Variants in ADGRV1 observed in about 807,000 individuals in gnomAD.
ADGRV1 encodes the protein adhesion G protein-coupled receptor V1.
In ADGRV1, 359 loss-of-function variants were observed where a neutral mutation model predicts 596.2. The observed-to-expected ratio is 0.60, with a 90% confidence interval of 0.55 to 0.66. The LOEUF (loss-of-function observed/expected upper bound fraction) is 0.66, where lower values mean the gene tolerates loss of function less well. ADGRV1 is among the 30% of genes least tolerant of loss of function. The pLI, the probability that ADGRV1 is intolerant of heterozygous loss-of-function variation, is 0.00. For synonymous variants in ADGRV1, 2,681 were observed against 2,679.2 expected, an observed-to-expected ratio of 1.00 and a Z score of -0.02; for missense variants, 7,274 against 7,575.6, an observed-to-expected ratio of 0.96 and a Z score of 1.48.
chr5:90,985,440 G>A lies in ADGRV1; in HGVS notation c.18070G>A (p.Val6024Met). ...TCTGAGTTGGGGACTACCAGCTTTT[G>A]TGGTGATTCTCCTCATAGTTATTTT... is the stretch of plus-strand genomic sequence containing the variant. ...FLLSWGLPAF[V>M]VILLIVILKG... Residue 6024 changes from valine (V) to methionine (M), a missense_variant, in exon 85 of 90, where the codon GTG (valine) becomes ATG (methionine). Around this residue, in one of 5 missense-constraint regions of ADGRV1, gnomAD observed 1,874 missense variants for 1,970.2 expected, o/e 0.95. Transcript: ENST00000405460. 6.2e-7 allele frequency: 1 copy of A among 1,613,750 alleles called. No homozygotes were observed. The highest frequency in any genetic ancestry group is 8.5e-7 in the Non-Finnish European group (1 of 1,179,706).
chr5:90,740,936 G>C (rs78320531), intron 50 of ADGRV1, among the ~76,000 whole-genome samples: 2,187 of 152,216 alleles, frequency 0.014, 42 homozygotes, highest in African/African-American at 0.05. Flanking sequence ...TTTGTCTGTG[G>C]TCCAAGGGGT....
intron 81 of ADGRV1, among the ~76,000 whole-genome samples, chr5:90,854,689 T>C (rs2150412571): frequency 6.6e-6 from 1 of 152,272 alleles, no homozygotes; most frequent in Admixed American, 6.5e-5. Context: ...TTTTTGAATC[T>C]CCTCGGCCTC....
chr5:91,162,542 G>C (rs914059475), intron 89 of ADGRV1, among the ~76,000 whole-genome samples: 14 of 152,288 alleles, frequency 9.2e-5, no homozygotes, highest in Admixed American at 5.2e-4. Context: ...AGAAAACAAG[G>C]CCTCCAGAAA....
chr5:90,715,191 C>T (rs1374944752), intron 42 of ADGRV1, among the ~76,000 whole-genome samples: 1 of 152,164 alleles, frequency 6.6e-6, no homozygotes, highest in Non-Finnish European at 1.5e-5. Context: ...GAGAGGTGAT[C>T]TCTGGAGGCC....
At position 90,778,560 on chromosome 5, in the gene ADGRV1, G is replaced by A; in HGVS notation, c.12800G>A (p.Gly4267Asp). 1.9e-6 allele frequency: 3 copies of A among 1,610,094 alleles called. No homozygotes were observed. Among genetic ancestry groups the A allele is most frequent in the Non-Finnish European group, 2.5e-6 (3 of 1,177,842 alleles). ...ITVVASDSPY[G>D]RFAFSHEQLR... ...GTGGTGGCCAGCGACTCTCCCTATG[G>A]CCGATTTGCCTTTTCACATGAGCAA... Residue 4267 changes from glycine to aspartate, a missense_variant, in exon 63 of 90, where the codon GGC (glycine) becomes GAC (aspartate). Gly to Asp is a moderately conservative substitution (Grantham distance 94). Coordinates refer to ENST00000405460, the MANE Select transcript of ADGRV1 (RefSeq NM_032119.4).
At position 90,595,589 on chromosome 5, in the gene ADGRV1, T is replaced by G. The variant is rs1226469808; in HGVS notation, c.23-19246T>G. On this transcript the variant is annotated intron_variant, in intron 1 of 89. Transcript: ENST00000405460. ...CTGACCCCCCAACCTCCCTCCCAGA[T>G]GGGGCGGCTGGCCGGGCGGGGGGCT... Among the ~76,000 whole-genome samples, 9 of 89,976 alleles carry G rather than the reference T, an allele frequency of 1.0e-4. No homozygotes were observed. The East Asian group carries it at 1.2e-3, about 12-fold the overall frequency. 59.0% of individuals were successfully genotyped at this position (89,976 alleles called of 152,430 possible). A position where few individuals can be genotyped will look rare whatever the true frequency, so the allele number is the denominator to read the frequency against.
Position 90,805,320 on chromosome 5 carries a change from A to G in ADGRV1, c.14698A>G (p.Ile4900Val). 5.0e-6 allele frequency: 8 copies of G among 1,612,906 alleles called. No homozygotes were observed. Among genetic ancestry groups the G allele is most frequent in the Non-Finnish European group, 6.8e-6 (8 of 1,179,032 alleles). ...FESTAFQLMN[I>V]TAGTSHVMIS... ...ATCCACTGCTTTTCAACTCATGAAC[A>G]TCACTGCTGGCACAAGCCACGTTAT... Residue 4900 changes from isoleucine (I) to valine (V), a missense_variant, in exon 72 of 90, where the codon ATC (isoleucine) becomes GTC (valine). Ile to Val is a conservative substitution (Grantham distance 29). This residue lies in a region of ADGRV1 where 1,874 missense variants were observed against 1,970.2 expected (regional missense o/e 0.95). Transcript: ENST00000405460.
intron 84 of ADGRV1, among the ~76,000 whole-genome samples, chr5:90,971,902 C>G (rs1779062750): frequency 6.6e-6 from 1 of 152,172 alleles, no homozygotes; most frequent in Admixed American, 6.5e-5. Flanking sequence ...AAGACACAGA[C>G]TGGCAAATTG....
chr5:90,631,523 A>G (rs78503328), intron 9 of ADGRV1, among the ~76,000 whole-genome samples: 1,849 of 152,286 alleles, frequency 0.012, 31 homozygotes, highest in African/African-American at 0.042. Context: ...TAATGGCAGT[A>G]GATCCTGATC....
At chr5:90,585,733 G>T (rs1400012511) in intron 1 of ADGRV1, among the ~76,000 whole-genome samples, 4 of 152,182 alleles carry the variant, frequency 2.6e-5, no homozygotes, top group African/African-American at 9.7e-5. Flanking sequence ...AAGCAGTCCC[G>T]CATGTTAGGA....
intron 83 of ADGRV1, among the ~76,000 whole-genome samples, chr5:90,928,977 C>T (rs1774884423): frequency 6.7e-6 from 1 of 148,906 alleles, no homozygotes; most frequent in South Asian, 2.2e-4. Flanking sequence ...CTTGAGGAGG[C>T]AGTCTGCCCG....
At position 90,728,917 on chromosome 5, in the gene ADGRV1, C is replaced by T. The variant is rs1373039369; in HGVS notation, c.10410C>T (p.Ala3470=). 9.3e-6 allele frequency: 15 copies of T among 1,607,978 alleles called. No individual in the cohort carries two copies. In the Admixed American group the frequency reaches 2.0e-4, roughly 22 times the overall value. ...SSANDIYLIF[A]ENVFLGDQNS... is the part of the protein sequence containing the mutation. Reference sequence around the variant, plus strand: ...CCAATGATATTTACCTAATATTTGCCGAAAATGTCTTTCTAGGTGAGAAGA... The same window carrying T: ...CCAATGATATTTACCTAATATTTGCTGAAAATGTCTTTCTAGGTGAGAAGA... Residue 3470 remains alanine (A), a synonymous_variant, in exon 49 of 90, where the codon GCC becomes GCT. Coordinates refer to ENST00000405460, the MANE Select transcript of ADGRV1 (RefSeq NM_032119.4).
intron 27 of ADGRV1, 39 bp downstream of exon 27, chr5:90,681,493 G>C: frequency 6.3e-7 from 1 of 1,579,228 alleles, no homozygotes. Context: ...GACACTTTCT[G>C]TTGTTTTAAA....
intron 83 of ADGRV1, among the ~76,000 whole-genome samples, chr5:90,924,542 A>G (rs1774226165): frequency 6.6e-6 from 1 of 151,578 alleles, no homozygotes; most frequent in Admixed American, 6.6e-5. Flanking sequence ...GCCCTTTGTC[A>G]GATGAGTAGG....
chr5:90,625,250 T>C lies in ADGRV1; in HGVS notation c.672+7T>C, dbSNP rs750322737. 6 of 1,531,298 alleles carry C rather than the reference T, an allele frequency of 3.9e-6. No individual in the cohort carries two copies. The highest frequency in any genetic ancestry group is 5.4e-6 in the Non-Finnish European group (6 of 1,106,058). The allele number at this position is 1,531,298 out of a possible 1,614,324, so 94.9% of individuals were successfully genotyped here. A position where few individuals can be genotyped will look rare whatever the true frequency, so the allele number is the denominator to read the frequency against. Reference sequence around the variant, plus strand: ...GACAGTACTCGATGACGAGGTTGGCTAATGTTACATACCCAAATGGGACAA... The same window carrying C: ...GACAGTACTCGATGACGAGGTTGGCCAATGTTACATACCCAAATGGGACAA... On this transcript the variant is annotated splice_region_variant and intron_variant, in intron 6 of 89. Coordinates refer to ENST00000405460, the MANE Select transcript of ADGRV1 (RefSeq NM_032119.4).
intron 70 of ADGRV1, 126 bp downstream of exon 70, chr5:90,791,472 C>G: frequency 1.5e-6 from 1 of 672,774 alleles, no homozygotes; most frequent in Non-Finnish European, 2.5e-6. Context: ...AAAATGCCCT[C>G]GAAAATGTTT....
At chr5:91,121,651 C>T (rs1793323946) in intron 87 of ADGRV1, among the ~76,000 whole-genome samples, 4 of 152,104 alleles carry the variant, frequency 2.6e-5, no homozygotes, top group Admixed American at 2.0e-4. Flanking sequence ...CCTGCATGTC[C>T]AGTGTCATCT....
chr5:90,927,564 C>G (rs1408761390), intron 83 of ADGRV1, among the ~76,000 whole-genome samples: 1 of 152,134 alleles, frequency 6.6e-6, no homozygotes, highest in Non-Finnish European at 1.5e-5. Flanking sequence ...ATACAGCACA[C>G]TGATGGGTCC....
At chr5:90,987,810 T>C (rs1780618625) in intron 85 of ADGRV1, among the ~76,000 whole-genome samples, 1 of 152,122 alleles carries the variant, frequency 6.6e-6, no homozygotes, top group African/African-American at 2.4e-5. Flanking sequence ...AGAAGAATTT[T>C]AAAATTCTTA....
Sources: gnomAD v4.1 joint callset for allele counts (sites outside exome capture counted in the v4.1 genomes callset) on GRCh38, gnomAD v4.1.1 for gene constraint, gnomAD v4.1.1 regional missense constraint, MANE v1.5 for transcripts, NCBI Gene and HGNC (gene_info 2026-07-23, HGNC 2026-07-21) for gene names.